Variants in PLCH1 observed in about 807,000 individuals in gnomAD.
PLCH1 encodes the protein 1-phosphatidylinositol 4,5-bisphosphate phosphodiesterase eta-1.
In PLCH1, 60 loss-of-function variants were observed where a neutral mutation model predicts 126.7. That is an observed-to-expected ratio of 0.47 (90% CI 0.38 to 0.59). The LOEUF is 0.59. Among genes scored for constraint, PLCH1 ranks in the 20% least tolerant of loss-of-function variants. The pLI is 0.00. For missense variants in PLCH1, 1,723 were observed against 2,040.0 expected, an observed-to-expected ratio of 0.84 and a Z score of 2.99; for synonymous variants, 719 against 734.9, an observed-to-expected ratio of 0.98 and a Z score of 0.35.
intron 2 of PLCH1, among the ~76,000 whole-genome samples, chr3:155,642,394 G>A (rs1739503573): frequency 6.6e-6 from 1 of 152,224 alleles, no homozygotes. Flanking sequence ...ACTGAAAGAA[G>A]TTTAAGGGGC....
chr3:155,483,120 G>A, intron 22 of PLCH1, 69 bp from the exon 23 acceptor site: 1 of 1,341,758 alleles, frequency 7.5e-7, no homozygotes, highest in East Asian at 2.3e-5. Flanking sequence ...CACTCATGTT[G>A]TCTTCGGACA....
chr3:155,546,018 G>C (rs1725219970), intron 10 of PLCH1, among the ~76,000 whole-genome samples: 1 of 152,046 alleles, frequency 6.6e-6, no homozygotes, highest in Non-Finnish European at 1.5e-5. Flanking sequence ...ATTCAACATA[G>C]TGTTGGAAGT....
At chr3:155,471,915 TGCATTCAAA>T (rs1287595952) in intron 21 of PLCH1, among the ~76,000 whole-genome samples, 1 of 151,762 alleles carries the variant, frequency 6.6e-6, no homozygotes, top group Non-Finnish European at 1.5e-5. Flanking sequence ...ATCTCTGGGA[TGCATTCAAA>T]GCAGTGTGTA....
chr3:155,547,424 A>T (rs1218969813), intron 10 of PLCH1, among the ~76,000 whole-genome samples: 40 of 41,340 alleles, frequency 9.7e-4, no homozygotes, highest in African/African-American at 1.8e-3. Flanking sequence ...AAATAGGAAC[A>T]CTTTTACACT....
At chr3:155,708,965 G>A (rs1460710974) in intron 1 of PLCH1, among the ~76,000 whole-genome samples, 1 of 152,108 alleles carries the variant, frequency 6.6e-6, no homozygotes, top group Non-Finnish European at 1.5e-5. Flanking sequence ...CCCCTGACGA[G>A]CACTGATAAT....
At chr3:155,485,751 C>T in intron 21 of PLCH1, 41 bp from the exon 22 acceptor site, 1 of 1,252,814 alleles carries the variant, frequency 8.0e-7, no homozygotes, top group South Asian at 1.3e-5. Flanking sequence ...AAGCAAATGC[C>T]ATCACATCAA....
intron 2 of PLCH1, among the ~76,000 whole-genome samples, chr3:155,641,799 T>A (rs1425358957): frequency 6.6e-6 from 1 of 152,084 alleles, no homozygotes; most frequent in Non-Finnish European, 1.5e-5. Flanking sequence ...CTGGATCCTA[T>A]CAATTGAAAA....
intron 1 of PLCH1, among the ~76,000 whole-genome samples, chr3:155,709,068 G>A (rs1746898820): frequency 6.6e-6 from 1 of 152,124 alleles, no homozygotes; most frequent in Admixed American, 6.6e-5. Context: ...CTCTCACTTG[G>A]TGATATGCAT....
chr3:155,545,680 C>T (rs1448620946), intron 10 of PLCH1, among the ~76,000 whole-genome samples: 2 of 152,130 alleles, frequency 1.3e-5, no homozygotes, highest in East Asian at 1.9e-4. Context: ...CATCAAAAAG[C>T]TTATCCACCA....
chr3:155,627,569 G>C (rs1737469716), intron 2 of PLCH1, among the ~76,000 whole-genome samples: 1 of 151,522 alleles, frequency 6.6e-6, no homozygotes, highest in African/African-American at 2.4e-5. Flanking sequence ...GGGAGGCAGA[G>C]CTTGCAGTGA....
At chr3:155,660,382 T>C (rs140071901) in intron 2 of PLCH1, among the ~76,000 whole-genome samples, 1 of 152,350 alleles carries the variant, frequency 6.6e-6, no homozygotes, top group African/African-American at 2.4e-5. Flanking sequence ...GAAATTGAGA[T>C]GGAAGCAGCA....
chr3:155,634,451 G>A (rs990662567), intron 2 of PLCH1, among the ~76,000 whole-genome samples: 4 of 152,184 alleles, frequency 2.6e-5, no homozygotes, highest in Non-Finnish European at 5.9e-5. Context: ...CCTCACTGTG[G>A]TGAGTGGGAC....
chr3:155,564,959 T>C lies in PLCH1; in HGVS notation c.1025A>G (p.Asp342Gly), dbSNP rs765222193. ...CTCTTGCAGCACCCGTGCATACATA[T>C]CCACTTTGGACTGAGAAAGGAGCTG... ...GDQLLSQSKV[D>G]MYARVLQEGC... Residue 342 changes from aspartate (D) to glycine (G), a missense_variant, in exon 8 of 23, where the codon GAT (aspartate) becomes GGT (glycine). Around this residue, in one of 2 missense-constraint regions of PLCH1, gnomAD observed 776 missense variants for 1,062.9 expected, o/e 0.73. Transcript: ENST00000460012. The C allele has an allele frequency of 6.2e-7, 1 of 1,613,982 alleles. No individual in the cohort carries two copies. The highest frequency in any genetic ancestry group is 8.5e-7 in the Non-Finnish European group (1 of 1,179,882).
At chr3:155,740,209 G>A (rs1020183275) in intron 1 of PLCH1, among the ~76,000 whole-genome samples, 5 of 151,936 alleles carry the variant, frequency 3.3e-5, no homozygotes, top group East Asian at 1.9e-4. Context: ...TCAGGAGTTC[G>A]AGACCAGTCT....
At chr3:155,665,671 C>T (rs376506963) in intron 2 of PLCH1, among the ~76,000 whole-genome samples, 4 of 152,124 alleles carry the variant, frequency 2.6e-5, no homozygotes, top group Admixed American at 2.0e-4. Flanking sequence ...TGATCAGCCC[C>T]GGCCTCACCA....
intron 17 of PLCH1, among the ~76,000 whole-genome samples, chr3:155,493,126 G>C (rs1323517592): frequency 6.6e-6 from 1 of 152,172 alleles, no homozygotes; most frequent in East Asian, 1.9e-4. Context: ...AGTGTAAAAA[G>C]AAGAACAATT....
intron 10 of PLCH1, among the ~76,000 whole-genome samples, chr3:155,548,078 C>T (rs1455970943): frequency 2.6e-5 from 4 of 151,874 alleles, no homozygotes; most frequent in Non-Finnish European, 4.4e-5. Context: ...ATGAACTTTG[C>T]CTGTATTTTA....
At chr3:155,503,996 C>T (rs1267620535) in intron 13 of PLCH1, among the ~76,000 whole-genome samples, 1 of 152,258 alleles carries the variant, frequency 6.6e-6, no homozygotes, top group African/African-American at 2.4e-5. Flanking sequence ...TCCTCACTAA[C>T]ATTTGGTTCT....
At chr3:155,661,928 G>C (rs1241622931) in intron 2 of PLCH1, among the ~76,000 whole-genome samples, 1 of 152,210 alleles carries the variant, frequency 6.6e-6, no homozygotes, top group Non-Finnish European at 1.5e-5. Flanking sequence ...GACTCAACTA[G>C]AGACAGTACA....
Sources: allele counts gnomAD v4.1 joint callset (sites outside exome capture counted in the v4.1 genomes callset), GRCh38; gene constraint gnomAD v4.1.1; regional missense constraint gnomAD v4.1.1; transcripts MANE v1.5; gene names NCBI Gene and HGNC (gene_info 2026-07-23, HGNC 2026-07-21).